Variants in KCNS1 observed in about 807,000 individuals in gnomAD.
KCNS1 encodes delayed-rectifier potassium channel regulatory subunit KCNS1.
A neutral mutation model predicts 33.1 loss-of-function variants in KCNS1; 26 were observed. The observed-to-expected ratio is 0.79, with a 90% CI of 0.58 to 1.09. KCNS1 has a LOEUF of 1.09. Ranked by LOEUF, KCNS1 falls within the 50% of genes least tolerant of loss-of-function variation. The pLI is 0.00. For synonymous variants in KCNS1, 299 were observed against 338.8 expected, an observed-to-expected ratio of 0.88 and a Z score of 1.29; for missense variants, 702 against 752.4, an observed-to-expected ratio of 0.93 and a Z score of 0.78.
In KCNS1 at chr20:45,096,886, C is replaced by G. The variant is rs542988116; in HGVS notation, c.1110+776G>C. 2.6e-5 allele frequency among the ~76,000 whole-genome samples: 4 copies of G among 152,374 alleles called. No individual in the cohort carries two copies. In the South Asian group the frequency reaches 8.3e-4, roughly 32 times the overall value. ...TTCATCTCTGGGAATCTCCTTCCCT[C>G]CATGTCCTCCTCCCAGCATTCATCC... On this transcript the variant is annotated intron_variant, in intron 3 of 3. Coordinates refer to ENST00000537075, the MANE Select transcript of KCNS1 (RefSeq NM_001322799.2).
Position 45,098,688 on chromosome 20 carries a change from G to A in KCNS1, c.84C>T (p.Ser28=). ...VVLPTPLGGR[S]TETFVSEFPG... is the part of the protein sequence containing the mutation. Reference sequence around the variant, plus strand: ...GGAACTCGCTCACAAAGGTTTCAGTGCTCCTCCCTGCGGACACCAGAAGGG... The same window carrying A: ...GGAACTCGCTCACAAAGGTTTCAGTACTCCTCCCTGCGGACACCAGAAGGG... The change falls in exon 3 of 4, where the codon AGC becomes AGT. Residue 28 remains serine, a synonymous_variant. Transcript: ENST00000537075. The surrounding 1 kb of genome is among the most constrained non-coding windows in gnomAD (Gnocchi z 5.2). The A allele has an allele frequency of 1.4e-6, 2 of 1,423,660 alleles. No individual in the cohort carries two copies. The highest frequency in any genetic ancestry group is 1.6e-5 in the South Asian group (1 of 60,978). The allele number at this position is 1,423,660 out of a possible 1,614,324, so 88.2% of individuals were successfully genotyped here.
In KCNS1 at chr20:45,098,376, G is replaced by T; in HGVS notation, c.396C>A (p.Phe132Leu). 6.3e-7 allele frequency: 1 copy of T among 1,586,002 alleles called. No individual in the cohort carries two copies. Among genetic ancestry groups the T allele is most frequent in the Non-Finnish European group, 8.6e-7 (1 of 1,166,568 alleles). ...AGTAGTCGGCCTCCTGGCCAAAGGC[G>T]AAGACGCACAGCTCGTCGAGCACGT... ...HLHVLDELCV[F>L]AFGQEADYWG... is the part of the protein sequence containing the mutation. The change falls in exon 3 of 4, where the codon TTC (phenylalanine) becomes TTA (leucine). Residue 132 changes from phenylalanine (F) to leucine (L), a missense_variant. This residue lies in a region of KCNS1 where 374 missense variants were observed against 352.3 expected (regional missense o/e 1.06). Coordinates refer to ENST00000537075, the MANE Select transcript of KCNS1 (RefSeq NM_001322799.2). This position sits in a 1 kb window ranked among gnomAD's most constrained non-coding sequence, Gnocchi z 5.2.
rs549271562 is a variant in KCNS1 at position 45,095,578 on chromosome 20, G to A, written c.1111-238C>T. 9.9e-5 allele frequency among the ~76,000 whole-genome samples: 15 copies of A among 152,260 alleles called. No homozygotes were observed. The South Asian group carries it at 2.7e-3, about 27-fold the overall frequency. On this transcript the variant is annotated intron_variant, in intron 3 of 3. Coordinates refer to ENST00000537075, the MANE Select transcript of KCNS1 (RefSeq NM_001322799.2). Reference sequence around the variant, plus strand: ...TTCTATTGTCCAAGGTATCTGCTAGGCTACAGCTGTTTTTTCCAACTCCGG... The same window carrying A: ...TTCTATTGTCCAAGGTATCTGCTAGACTACAGCTGTTTTTTCCAACTCCGG...
At position 45,099,708 on chromosome 20, in the gene KCNS1, A is replaced by G. The variant is rs546211145; in HGVS notation, c.-3-469T>C. Among the ~76,000 whole-genome samples the G allele has an allele frequency of 2.7e-4, 41 of 152,340 alleles. No individual in the cohort carries two copies. The East Asian group carries it at 7.5e-3, about 28-fold the overall frequency. ...CAATTTCCTGCACAACGTAGATAATAGCACCTACCTCCAGGGATGACTGGA... is the reference window on the plus strand; with the variant it reads ...CAATTTCCTGCACAACGTAGATAATGGCACCTACCTCCAGGGATGACTGGA... On this transcript the variant is annotated intron_variant, in intron 1 of 3. Transcript: ENST00000537075.
intron 1 of KCNS1, among the ~76,000 whole-genome samples, chr20:45,099,642 C>T (rs577361482): frequency 6.4e-4 from 98 of 152,314 alleles, no homozygotes; most frequent in African/African-American, 2.2e-3. Flanking sequence ...CCACCCCTGA[C>T]GCACCTGGGG....
rs1005525352 is a variant in KCNS1, at chr20:45,093,681, C to T, written c.*1189G>A. Reference sequence around the variant, plus strand: ...GCAGGTGGGTATGAGAGATATGCCCCCAGCAAGGGTGAGGGGGCTGGAGCT... The same window carrying T: ...GCAGGTGGGTATGAGAGATATGCCCTCAGCAAGGGTGAGGGGGCTGGAGCT... On this transcript the variant is annotated 3_prime_UTR_variant, in exon 4 of 4. Transcript: ENST00000537075. The T allele has an allele frequency of 6.6e-6, 1 of 152,320 alleles. No homozygotes were observed. The highest frequency in any genetic ancestry group is 2.4e-5 in the African/African-American group (1 of 41,446). 9.4% of individuals were successfully genotyped at this position (152,320 alleles called of 1,614,324 possible).
chr20:45,099,329 T>G (rs1981322467), intron 1 of KCNS1, 90 bp from the exon 2 acceptor site: 1 of 731,202 alleles, frequency 1.4e-6, no homozygotes. Context: ...CTTTGTGTTC[T>G]AACAAGATTG....
Position 45,099,243 on chromosome 20 carries a change from G to A in KCNS1, c.-3-4C>T. ...GGACCAGCAGCATCAGCATCACCTG[G>A]GAATTTGTCAAAGATGCAAATTCTC... On this transcript the variant is annotated splice_region_variant and splice_polypyrimidine_tract_variant and intron_variant, in intron 1 of 3. Coordinates refer to ENST00000537075, the MANE Select transcript of KCNS1 (RefSeq NM_001322799.2). 7.0e-7 allele frequency: 1 copy of A among 1,428,356 alleles called. No individual in the cohort carries two copies. The highest frequency in any genetic ancestry group is 9.7e-7 in the Non-Finnish European group (1 of 1,034,600). 88.5% of individuals were successfully genotyped at this position (1,428,356 alleles called of 1,614,324 possible).
Position 45,091,779 on chromosome 20 carries a change from A to T in KCNS1, c.*3091T>A, listed in dbSNP as rs1981007093. On this transcript the variant is annotated 3_prime_UTR_variant, in exon 4 of 4. Transcript: ENST00000537075. ...CACTGAAGTGAGATCAGAGGCAGAGACTTGAGTGATGCAGCCACAGCCAAG... is the reference window on the plus strand; with the variant it reads ...CACTGAAGTGAGATCAGAGGCAGAGTCTTGAGTGATGCAGCCACAGCCAAG... 6.6e-6 allele frequency among the ~76,000 whole-genome samples: 1 copy of T among 152,144 alleles called. No homozygotes were observed. The highest frequency in any genetic ancestry group is 2.1e-4 in the South Asian group (1 of 4,830).
rs41282746 is a variant in KCNS1, at chr20:45,092,644, G to C, written c.*2226C>G. The C allele has an allele frequency of 0.03, 4,601 of 152,166 alleles. 176 individuals carry two copies. Among genetic ancestry groups the C allele is most frequent in the East Asian group, 0.11 (564 of 5,148 alleles). 9.4% of individuals were successfully genotyped at this position (152,166 alleles called of 1,614,324 possible). On this transcript the variant is annotated 3_prime_UTR_variant, in exon 4 of 4. Transcript: ENST00000537075. ...GTGGTGAATTCAAGGGAGGCCCTTT[G>C]CTGCTTAGCTCCATCCTCTGTTCCA...
In KCNS1 at chr20:45,098,897, A is replaced by G. The variant is rs951957935; in HGVS notation, c.77-202T>C. ...CTGGCTTTGACTATCCTTCATCCCC[A>G]TCATTTGACTTTGGCCAAATCACTG... On this transcript the variant is annotated intron_variant, in intron 2 of 3. Transcript: ENST00000537075. This position sits in a 1 kb window ranked among gnomAD's most constrained non-coding sequence, Gnocchi z 5.2. Among the ~76,000 whole-genome samples, 3 of 151,910 alleles carry G rather than the reference A, an allele frequency of 2.0e-5. No individual in the cohort carries two copies. The highest frequency in any genetic ancestry group is 4.4e-5 in the Non-Finnish European group (3 of 67,978).
intron 1 of KCNS1, 29 bp downstream of exon 1, chr20:45,100,878 GACCGTCCCGGAGCC>G (rs1981368165): frequency 6.6e-6 from 1 of 152,542 alleles, no homozygotes; most frequent in African/African-American, 2.4e-5. Context: ...GGCTGCCCGG[GACCGTCCCGGAGCC>G]ACGTCCCTCC....
intron 1 of KCNS1, 56 bp from the exon 2 acceptor site, chr20:45,099,295 G>T (rs117575048): frequency 2.2e-6 from 2 of 917,890 alleles, no homozygotes; most frequent in African/African-American, 3.3e-5. Context: ...ACTGAATCGG[G>T]AACTCTAAGG....
chr20:45,097,767 G>A lies in KCNS1; in HGVS notation c.1005C>T (p.Gly335=), dbSNP rs767244776. ...ACACCTGCACCACCTTGCCCAGGTG[G>A]CCGAACTCCTTGCCGCCCTGGTCGC... ...ALGDQGGKEF[G]HLGKVVQVFR... is the part of the protein sequence containing the mutation. Residue 335 remains glycine (G), a synonymous_variant, in exon 3 of 4, where the codon GGC becomes GGT. Transcript: ENST00000537075. The A allele has an allele frequency of 6.2e-7, 1 of 1,613,250 alleles. No individual in the cohort carries two copies. Among genetic ancestry groups the A allele is most frequent in the Non-Finnish European group, 8.5e-7 (1 of 1,179,962 alleles).
In KCNS1 at chr20:45,099,218, G is replaced by C. The variant is rs751761214; in HGVS notation, c.19C>G (p.Arg7Gly). ...CGGAGGTTCTCATAGTGTGTTCCCC[G>C]GACCAGCAGCATCAGCATCACCTGG... MLMLLV[R>G]GTHYENLRSK... Residue 7 changes from arginine to glycine, a missense_variant, in exon 2 of 4, where the codon CGG becomes GGG. Coordinates refer to ENST00000537075, the MANE Select transcript of KCNS1 (RefSeq NM_001322799.2). 1 of 1,529,918 alleles carries C rather than the reference G, an allele frequency of 6.5e-7. No homozygotes were observed. The highest frequency in any genetic ancestry group is 8.9e-7 in the Non-Finnish European group (1 of 1,127,218). 94.8% of individuals were successfully genotyped at this position (1,529,918 alleles called of 1,614,324 possible).
intron 1 of KCNS1, 61 bp from the exon 2 acceptor site, chr20:45,099,300 C>A: frequency 1.1e-6 from 1 of 901,842 alleles, no homozygotes; most frequent in South Asian, 1.4e-5. Context: ...ATCGGGAACT[C>A]TAAGGGTGGG....
rs1158779070 is a variant in KCNS1, at chr20:45,092,365, G to A, written c.*2505C>T. On this transcript the variant is annotated 3_prime_UTR_variant, in exon 4 of 4. Coordinates refer to ENST00000537075, the MANE Select transcript of KCNS1 (RefSeq NM_001322799.2). ...TTCACTGATACATGGGAAGGGGAGC[G>A]AGTTGTTGCTTTTCTGCCAGGACCA... 6.6e-6 allele frequency: 1 copy of A among 152,214 alleles called. No homozygotes were observed. Among genetic ancestry groups the A allele is most frequent in the South Asian group, 2.1e-4 (1 of 4,826 alleles). 9.4% of individuals were successfully genotyped at this position (152,214 alleles called of 1,614,324 possible).
chr20:45,091,496 G>A lies in KCNS1; in HGVS notation c.*3374C>T, dbSNP rs191997096. On this transcript the variant is annotated 3_prime_UTR_variant, in exon 4 of 4. Coordinates refer to ENST00000537075, the MANE Select transcript of KCNS1 (RefSeq NM_001322799.2). ...TCATTCCTGTATTTCCTGAGGCCTCGTCAGTCAGCTCTTCCTTTGGTCGGG... is the reference window on the plus strand; with the variant it reads ...TCATTCCTGTATTTCCTGAGGCCTCATCAGTCAGCTCTTCCTTTGGTCGGG... Among the ~76,000 whole-genome samples, 21 of 152,290 alleles carry A rather than the reference G, an allele frequency of 1.4e-4. No individual in the cohort carries two copies. The East Asian group carries it at 2.3e-3, about 17-fold the overall frequency.
rs1454769254 is a variant in KCNS1, at chr20:45,093,380, G to C, written c.*1490C>G. ...CTTGTTCACACCTTTTTGAGGGCCA[G>C]GTCTCTCTCTGGCTATCTTTTTTTC... On this transcript the variant is annotated 3_prime_UTR_variant, in exon 4 of 4. Coordinates refer to ENST00000537075, the MANE Select transcript of KCNS1 (RefSeq NM_001322799.2). 1.3e-5 allele frequency: 2 copies of C among 151,502 alleles called. No individual in the cohort carries two copies. The highest frequency in any genetic ancestry group is 4.8e-5 in the African/African-American group (2 of 41,270). The allele number at this position is 151,502 out of a possible 1,614,324, so 9.4% of individuals were successfully genotyped here.
Sources: allele counts gnomAD v4.1 joint callset (sites outside exome capture counted in the v4.1 genomes callset), GRCh38; gene constraint gnomAD v4.1.1; regional missense constraint gnomAD v4.1.1; non-coding constraint Gnocchi (gnomAD v3.1); transcripts MANE v1.5; gene names NCBI Gene and HGNC (gene_info 2026-07-23, HGNC 2026-07-21).